Variants in R3HDM1 observed in about 807,000 individuals in gnomAD.
R3HDM1 encodes the protein R3H domain-containing protein 1.
R3HDM1 carries 46 observed loss-of-function variants against 141.1 expected under a neutral mutation model. The ratio of observed to expected loss-of-function variants is 0.33; its 90% CI spans 0.26 to 0.42. The LOEUF (loss-of-function observed/expected upper bound fraction) is 0.42. Ranked by LOEUF, R3HDM1 falls within the 10% of genes least tolerant of loss-of-function variation. The pLI is 1.00. For missense variants in R3HDM1, 1,184 were observed against 1,368.3 expected (o/e 0.87, Z 2.12); for synonymous variants, 435 against 472.9 (o/e 0.92, Z 1.04).
At chr2:135,540,652 A>G (rs1697281841) in intron 1 of R3HDM1, among the ~76,000 whole-genome samples, 1 of 152,132 alleles carries the variant, frequency 6.6e-6, no homozygotes, top group Admixed American at 6.6e-5. Context: ...TCCTGGCCTC[A>G]AGCAGTCCTT....
intron 7 of R3HDM1, among the ~76,000 whole-genome samples, chr2:135,630,281 C>CAAAAAAAAAAACAAAAAA (rs2062533893): frequency 2.8e-4 from 11 of 39,318 alleles, no homozygotes; most frequent in African/African-American, 1.0e-3. Flanking sequence ...CCTTCTCAAC[C>CAAAAAAAAAAACAAAAAA]AAAAAAAAAA....
At chr2:135,705,328 T>C (rs1347779584) in intron 21 of R3HDM1, among the ~76,000 whole-genome samples, 1 of 152,174 alleles carries the variant, frequency 6.6e-6, no homozygotes, top group Non-Finnish European at 1.5e-5. Context: ...GAATAACAAG[T>C]AGAGTTGGAA....
At chr2:135,667,269 A>C in intron 19 of R3HDM1, 1 of 905,296 alleles carries the variant, frequency 1.1e-6, no homozygotes, top group Non-Finnish European at 1.3e-6. Context: ...TTCCTGAACC[A>C]TCAGTTTATA....
intron 1 of R3HDM1, chr2:135,550,010 A>G (rs1165253423): frequency 3.1e-6 from 3 of 973,922 alleles, no homozygotes; most frequent in Admixed American, 6.2e-5. Flanking sequence ...TCTACTTTTC[A>G]TAGCTTTTGG....
intron 3 of R3HDM1, 140 bp downstream of exon 3, chr2:135,605,156 C>T: frequency 1.5e-6 from 1 of 673,490 alleles, no homozygotes; most frequent in Non-Finnish European, 2.4e-6. Flanking sequence ...GGTTTTGGAG[C>T]CAGTTGGATT....
At chr2:135,585,094 G>A (rs1707573156) in intron 1 of R3HDM1, among the ~76,000 whole-genome samples, 1 of 152,198 alleles carries the variant, frequency 6.6e-6, no homozygotes, top group South Asian at 2.1e-4. Context: ...GTACACTGGA[G>A]AAATTTTAGG....
intron 1 of R3HDM1, chr2:135,550,287 A>G: frequency 1.1e-6 from 1 of 930,588 alleles, no homozygotes; most frequent in Non-Finnish European, 1.3e-6. Flanking sequence ...TTTATTTGTG[A>G]TATATGGAAA....
chr2:135,607,648 A>G (rs1268649257), intron 3 of R3HDM1, among the ~76,000 whole-genome samples: 1 of 152,218 alleles, frequency 6.6e-6, no homozygotes, highest in Non-Finnish European at 1.5e-5. Flanking sequence ...CCTCTTTTCT[A>G]CACCTAATAT....
At chr2:135,626,270 T>C (rs2062045585) in intron 7 of R3HDM1, among the ~76,000 whole-genome samples, 1 of 144,858 alleles carries the variant, frequency 6.9e-6, no homozygotes, top group Admixed American at 7.0e-5. Flanking sequence ...AATCTCCACA[T>C]ATTTTGGGTC....
At chr2:135,591,191 C>T (rs764701735) in intron 1 of R3HDM1, among the ~76,000 whole-genome samples, 20 of 152,034 alleles carry the variant, frequency 1.3e-4, no homozygotes, top group Non-Finnish European at 2.6e-4. Flanking sequence ...GTGCCAGGAG[C>T]CCAGCGTGAA....
intron 1 of R3HDM1, among the ~76,000 whole-genome samples, chr2:135,571,284 G>A (rs1362156455): frequency 6.6e-6 from 1 of 151,818 alleles, no homozygotes; most frequent in Non-Finnish European, 1.5e-5. Flanking sequence ...TTTACAGGAT[G>A]TTTACTAGCA....
At chr2:135,641,256 T>G (rs2105247015) in intron 14 of R3HDM1, among the ~76,000 whole-genome samples, 3 of 152,244 alleles carry the variant, frequency 2.0e-5, no homozygotes, top group Middle Eastern at 6.8e-3. Flanking sequence ...GGAATGTGGG[T>G]AATGTGCTTT....
At chr2:135,537,270 A>AGTCT (rs1696369396) in intron 1 of R3HDM1, among the ~76,000 whole-genome samples, 1 of 137,390 alleles carries the variant, frequency 7.3e-6, no homozygotes, top group Non-Finnish European at 1.5e-5. Flanking sequence ...AGTGAGCATT[A>AGTCT]GTCTGTCTTT....
chr2:135,696,151 T>A (rs2073203095), intron 21 of R3HDM1, among the ~76,000 whole-genome samples: 1 of 151,762 alleles, frequency 6.6e-6, no homozygotes, highest in Admixed American at 6.6e-5. Flanking sequence ...TACTTAGCAA[T>A]AAAAAAAGAT....
chr2:135,692,631 T>C (rs1314003103), intron 21 of R3HDM1, among the ~76,000 whole-genome samples: 2 of 152,064 alleles, frequency 1.3e-5, no homozygotes, highest in Non-Finnish European at 2.9e-5. Flanking sequence ...CTTTTTTCCA[T>C]AGAGCATCTG....
At chr2:135,574,076 T>A (rs1351687925) in intron 1 of R3HDM1, among the ~76,000 whole-genome samples, 2 of 152,114 alleles carry the variant, frequency 1.3e-5, no homozygotes, top group East Asian at 3.9e-4. Context: ...AAATCTGTAT[T>A]CTGAAAATTT....
Position 135,649,929 on chromosome 2 carries a change from C to G in R3HDM1, c.1651C>G (p.Gln551Glu). 1 of 1,291,958 alleles carries G rather than the reference C, an allele frequency of 7.7e-7. No homozygotes were observed. Among genetic ancestry groups the G allele is most frequent in the South Asian group, 1.3e-5 (1 of 77,978 alleles). The allele number at this position is 1,291,958 out of a possible 1,614,324, so 80.0% of individuals were successfully genotyped here. The change falls in exon 17 of 27, where the codon CAG becomes GAG. Residue 551 changes from glutamine to glutamate, a missense_variant. By Grantham distance (29) the Gln-to-Glu change is conservative (BLOSUM62 2). Transcript: ENST00000683871. ...TGTTCATCCTCTGCAGTCCTCTTCACAGCCTGTTCAGTACTCTACAGCCCC... is the reference window on the plus strand; with the variant it reads ...TGTTCATCCTCTGCAGTCCTCTTCAGAGCCTGTTCAGTACTCTACAGCCCC... ...QPVHPLQSSSQPVQYSTAPYP... is the reference protein window; with the variant it reads ...QPVHPLQSSSEPVQYSTAPYP...
intron 1 of R3HDM1, among the ~76,000 whole-genome samples, chr2:135,561,968 A>G (rs1701888949): frequency 6.6e-6 from 1 of 152,180 alleles, no homozygotes; most frequent in Admixed American, 6.5e-5. Context: ...CATCTATTAC[A>G]TTAAAGGCCA....
In R3HDM1 at chr2:135,709,616, A is replaced by T. The variant is rs1489592630; in HGVS notation, c.2563+80A>T. On this transcript the variant is annotated intron_variant, in intron 22 of 26. Transcript: ENST00000683871. The stretch of plus-strand genomic sequence containing the variant: ...TTACTTTCCTTAGGCATTTCTACAA[A>T]AAGCTTCTCAATTTGTGATGTGCTG... The T allele has an allele frequency of 2.0e-6, 3 of 1,520,492 alleles. No homozygotes were observed. In the African/African-American group the frequency reaches 4.2e-5, roughly 21 times the overall value. The allele number at this position is 1,520,492 out of a possible 1,614,324, so 94.2% of individuals were successfully genotyped here.
Sources: gnomAD v4.1 joint callset for allele counts (sites outside exome capture counted in the v4.1 genomes callset) on GRCh38, gnomAD v4.1.1 for gene constraint, MANE v1.5 for transcripts, NCBI Gene and HGNC (gene_info 2026-07-23, HGNC 2026-07-21) for gene names.